TAFA4: variants seen among roughly 807,000 people sequenced by gnomAD.
TAFA4 encodes chemokine-like protein TAFA-4.
Under a neutral mutation model 21.1 loss-of-function variants are expected in TAFA4, and 20 were observed. The ratio of observed to expected loss-of-function variants is 0.95; its 90% confidence interval spans 0.67 to 1.38. The LOEUF (loss-of-function observed/expected upper bound fraction) is 1.38. Among genes scored for constraint, TAFA4 ranks in the 40% most tolerant of loss-of-function variants. TAFA4 has a pLI of 0.00. For synonymous variants in TAFA4, 71 were observed against 67.4 expected (o/e 1.05, Z -0.26); for missense variants, 211 against 180.9 (o/e 1.17, Z -0.95).
intron 3 of TAFA4, among the ~76,000 whole-genome samples, chr3:68,758,377 T>C (rs1289696397): frequency 6.6e-6 from 1 of 152,190 alleles, no homozygotes. Flanking sequence ...TGGGAGGTAA[T>C]TGACTCATGG....
chr3:68,829,149 T>C (rs539929043), intron 3 of TAFA4, among the ~76,000 whole-genome samples: 2 of 152,142 alleles, frequency 1.3e-5, no homozygotes, highest in East Asian at 1.9e-4. Flanking sequence ...CTTCAAACTA[T>C]ACTACAAGGC....
chr3:68,901,193 A>G (rs1412050254), intron 1 of TAFA4, among the ~76,000 whole-genome samples: 2 of 152,124 alleles, frequency 1.3e-5, no homozygotes, highest in Non-Finnish European at 2.9e-5. Flanking sequence ...CAAAACAGAA[A>G]TAAGACTAGA....
At chr3:68,774,997 T>C (rs1703023683) in intron 3 of TAFA4, among the ~76,000 whole-genome samples, 1 of 152,208 alleles carries the variant, frequency 6.6e-6, no homozygotes, top group African/African-American at 2.4e-5. Flanking sequence ...TACAAAATCT[T>C]AACTATCTTT....
At chr3:68,886,963 C>A (rs2089678918) in intron 1 of TAFA4, among the ~76,000 whole-genome samples, 1 of 152,192 alleles carries the variant, frequency 6.6e-6, no homozygotes, top group South Asian at 2.1e-4. Context: ...GTTCTTCTTA[C>A]ATACAAAATA....
chr3:68,789,658 C>T (rs1258219117), intron 3 of TAFA4, among the ~76,000 whole-genome samples: 1 of 151,786 alleles, frequency 6.6e-6, no homozygotes, highest in East Asian at 1.9e-4. Flanking sequence ...TATTTACTGT[C>T]TATCCCCCTA....
At chr3:68,929,075 G>T (rs2090136442) in intron 1 of TAFA4, among the ~76,000 whole-genome samples, 1 of 151,786 alleles carries the variant, frequency 6.6e-6, no homozygotes, top group Admixed American at 6.6e-5. Context: ...TTATTTTTCA[G>T]CAGATACCAA....
intron 4 of TAFA4, among the ~76,000 whole-genome samples, chr3:68,750,643 C>A (rs1485610013): frequency 6.6e-6 from 1 of 152,082 alleles, no homozygotes; most frequent in Non-Finnish European, 1.5e-5. Flanking sequence ...AGATAGTTTG[C>A]GGTAAGGTAT....
rs566713319 is a variant in TAFA4, at chr3:68,795,243, C to T, written c.131-42225G>A. Among the ~76,000 whole-genome samples the T allele has an allele frequency of 4.0e-4, 61 of 151,152 alleles. 1 individual carries two copies. Among genetic ancestry groups the T allele is most frequent in the African/African-American group, 1.3e-3 (52 of 41,146 alleles). On this transcript the variant is annotated intron_variant, in intron 3 of 5. Transcript: ENST00000295569. ...GATACTGATAACAGAGAGGGTACAA[C>T]GCATTCTAGATGGAGACAGCTTTGA...
At chr3:68,753,154 G>A in intron 3 of TAFA4, 136 bp from the exon 4 acceptor site, 1 of 778,902 alleles carries the variant, frequency 1.3e-6, no homozygotes, top group Non-Finnish European at 2.0e-6. Flanking sequence ...ATTTTATTTT[G>A]ATAACATATT....
chr3:68,759,261 A>C (rs2106763385), intron 3 of TAFA4, among the ~76,000 whole-genome samples: 1 of 152,296 alleles, frequency 6.6e-6, no homozygotes, highest in South Asian at 2.1e-4. Context: ...GTTTTACTCA[A>C]TCCATTGATT....
At chr3:68,876,105 A>C (rs187632768) in intron 3 of TAFA4, among the ~76,000 whole-genome samples, 14 of 152,338 alleles carry the variant, frequency 9.2e-5, no homozygotes, top group Admixed American at 3.9e-4. Flanking sequence ...TTATCATAGT[A>C]GGCTCTAACC....
chr3:68,850,548 C>T (rs370505157), intron 3 of TAFA4, among the ~76,000 whole-genome samples: 2 of 152,116 alleles, frequency 1.3e-5, no homozygotes, highest in South Asian at 4.1e-4. Flanking sequence ...GCAACCTCAC[C>T]GGCATCCGTT....
intron 1 of TAFA4, among the ~76,000 whole-genome samples, chr3:68,922,867 C>G (rs913993702): frequency 6.6e-6 from 1 of 152,160 alleles, no homozygotes; most frequent in Admixed American, 6.5e-5. Context: ...TCCCCTACTA[C>G]TGAGAACACC....
rs1321433402 is a variant in TAFA4, at chr3:68,932,270, G to C, written c.-153C>G. ...TAGAGCCGGCATCCAAGTCGGACCGGCGCGTCCGGAACTAGGTACTGATCG... is the reference window on the plus strand; with the variant it reads ...TAGAGCCGGCATCCAAGTCGGACCGCCGCGTCCGGAACTAGGTACTGATCG... On this transcript the variant is annotated 5_prime_UTR_variant, in exon 1 of 6. Coordinates refer to ENST00000295569, the MANE Select transcript of TAFA4 (RefSeq NM_182522.5). 1 of 152,268 alleles carries C rather than the reference G, an allele frequency of 6.6e-6. No homozygotes were observed. The highest frequency in any genetic ancestry group is 1.5e-5 in the Non-Finnish European group (1 of 68,154). The allele number at this position is 152,268 out of a possible 1,614,324, so 9.4% of individuals were successfully genotyped here. A position where few individuals can be genotyped will look rare whatever the true frequency, so the allele number is the denominator to read the frequency against.
chr3:68,893,130 T>G (rs1398913221), intron 1 of TAFA4, among the ~76,000 whole-genome samples: 1 of 152,222 alleles, frequency 6.6e-6, no homozygotes, highest in Non-Finnish European at 1.5e-5. Flanking sequence ...TTTCTCATTT[T>G]TCAAATATTC....
intron 4 of TAFA4, among the ~76,000 whole-genome samples, chr3:68,748,069 C>A (rs1702491642): frequency 2.6e-5 from 4 of 152,320 alleles, no homozygotes; most frequent in Non-Finnish European, 5.9e-5. Context: ...TCTGTTCTCC[C>A]TTTGAGTCCT....
chr3:68,912,438 G>C (rs2089968672), intron 1 of TAFA4, among the ~76,000 whole-genome samples: 1 of 152,196 alleles, frequency 6.6e-6, no homozygotes, highest in Non-Finnish European at 1.5e-5. Context: ...TGCAAAACAG[G>C]AACATTAATT....
chr3:68,785,907 C>T (rs984540057), intron 3 of TAFA4, among the ~76,000 whole-genome samples: 2 of 152,260 alleles, frequency 1.3e-5, no homozygotes, highest in African/African-American at 4.8e-5. Flanking sequence ...AGCAATTCTA[C>T]TTCTAGACAT....
chr3:68,833,567 A>G (rs1704452059), intron 3 of TAFA4, among the ~76,000 whole-genome samples: 1 of 152,202 alleles, frequency 6.6e-6, no homozygotes, highest in Non-Finnish European at 1.5e-5. Flanking sequence ...GGTAAGAAAA[A>G]CAAGTTTTTC....
Sources: allele counts gnomAD v4.1 joint callset (sites outside exome capture counted in the v4.1 genomes callset), GRCh38; gene constraint gnomAD v4.1.1; transcripts MANE v1.5; gene names NCBI Gene and HGNC (gene_info 2026-07-23, HGNC 2026-07-21).